Variants in RABGAP1L observed in about 807,000 individuals in gnomAD.
RABGAP1L encodes the protein rab GTPase-activating protein 1-like.
A neutral mutation model predicts 137.7 loss-of-function variants in RABGAP1L; 63 were observed. The observed-to-expected ratio is 0.46, with a 90% CI of 0.37 to 0.56. The LOEUF is 0.56. RABGAP1L is among the 20% of genes least tolerant of loss of function. The pLI is 0.00. For missense variants in RABGAP1L, 1,095 were observed against 1,244.0 expected (o/e 0.88, Z 1.80); for synonymous variants, 431 against 433.7 (o/e 0.99, Z 0.08).
rs1292322486 is a variant in RABGAP1L, at chr1:174,434,575, T to A, written c.1710+40430T>A. Among the ~76,000 whole-genome samples, 3 of 152,244 alleles carry A rather than the reference T, an allele frequency of 2.0e-5. No individual in the cohort carries two copies. In the East Asian group the frequency reaches 5.8e-4, roughly 29 times the overall value. On this transcript the variant is annotated intron_variant, in intron 13 of 25. Transcript: ENST00000681986. ...TCAAAGTTTTCAAAGTTGAGCCATT[T>A]TACACTACTACCAGCAGTGTATGGT...
At chr1:174,775,213 C>G (rs930670107) in intron 18 of RABGAP1L, among the ~76,000 whole-genome samples, 1 of 152,144 alleles carries the variant, frequency 6.6e-6, no homozygotes, top group Non-Finnish European at 1.5e-5. Context: ...AAATTTTGTC[C>G]ATGGCCACAC....
At chr1:174,981,550 C>CTTTT (rs10556099) in intron 23 of RABGAP1L, among the ~76,000 whole-genome samples, 682 of 66,500 alleles carry the variant, frequency 0.01, 20 homozygotes, top group African/African-American at 0.016. Context: ...GTTTTTCCAT[C>CTTTT]TTTTTTTTTT....
At chr1:174,240,370 C>CT in intron 4 of RABGAP1L, among the ~76,000 whole-genome samples, 1 of 152,344 alleles carries the variant, frequency 6.6e-6, no homozygotes, top group Admixed American at 6.5e-5. Flanking sequence ...CCTCGGCCTC[C>CT]TGAATAGCTG....
intron 19 of RABGAP1L, among the ~76,000 whole-genome samples, chr1:174,855,508 A>G (rs906801730): frequency 6.6e-6 from 1 of 152,222 alleles, no homozygotes; most frequent in African/African-American, 2.4e-5. Context: ...TTGCCACTGA[A>G]TAGCTATGTG....
intron 19 of RABGAP1L, among the ~76,000 whole-genome samples, chr1:174,931,638 G>GT (rs1338567489): frequency 6.6e-6 from 1 of 152,114 alleles, no homozygotes; most frequent in African/African-American, 2.4e-5. Context: ...TTTGTAAGCT[G>GT]TAGCCATCTC....
chr1:174,491,480 T>C (rs555497771), intron 13 of RABGAP1L, among the ~76,000 whole-genome samples: 25 of 151,856 alleles, frequency 1.6e-4, no homozygotes, highest in African/African-American at 5.6e-4. Context: ...TTCCCTTTCC[T>C]CTCCTCAAGC....
chr1:174,948,814 A>G (rs936763828), intron 19 of RABGAP1L: 7 of 152,192 alleles, frequency 4.6e-5, no homozygotes, highest in African/African-American at 1.7e-4. Flanking sequence ...TAGTAAAGGT[A>G]CTAGAAGAAG....
intron 13 of RABGAP1L, among the ~76,000 whole-genome samples, chr1:174,636,372 A>AC (rs1674033346): frequency 6.6e-6 from 1 of 151,656 alleles, no homozygotes; most frequent in South Asian, 2.1e-4. Flanking sequence ...ACACACACAC[A>AC]AAAAAAATAG....
intron 19 of RABGAP1L, among the ~76,000 whole-genome samples, chr1:174,861,364 A>G (rs1201911726): frequency 1.3e-5 from 2 of 152,138 alleles, no homozygotes; most frequent in Non-Finnish European, 1.5e-5. Context: ...CCATCAACAG[A>G]TGCTTAGGTT....
Position 174,336,899 on chromosome 1 carries a change from AAG to A in RABGAP1L, c.1465+31780_1465+31781del, listed in dbSNP as rs112382224. Reference sequence around the variant, plus strand: ...TGTGTGTGTGTGAGAGAGAGAGAGAAAGAGAGAGAAAGAATGGAGGAGGAAGG... The same window carrying A: ...TGTGTGTGTGTGAGAGAGAGAGAGAAAGAGAGAAAGAATGGAGGAGGAAGG... On this transcript the variant is annotated intron_variant, in intron 11 of 25. Coordinates refer to ENST00000681986, the MANE Select transcript of RABGAP1L (RefSeq NM_001366446.1). Among the ~76,000 whole-genome samples, 14 of 145,408 alleles carry A rather than the reference AAG, an allele frequency of 9.6e-5. 1 individual carries two copies. The highest frequency in any genetic ancestry group is 2.2e-4 in the South Asian group (1 of 4,484).
rs575501658 is a variant in RABGAP1L, at chr1:174,612,981, A to G, written c.1711-24394A>G. Among the ~76,000 whole-genome samples, 20 of 151,304 alleles carry G rather than the reference A, an allele frequency of 1.3e-4. No individual in the cohort carries two copies. In the East Asian group the frequency reaches 3.9e-3, roughly 29 times the overall value. ...TATTAGTCTTGCTAGTGGTCTATCAATTTTGTTGATCCTTTCAAAAAACCA... is the reference window on the plus strand; with the variant it reads ...TATTAGTCTTGCTAGTGGTCTATCAGTTTTGTTGATCCTTTCAAAAAACCA... On this transcript the variant is annotated intron_variant, in intron 13 of 25. Coordinates refer to ENST00000681986, the MANE Select transcript of RABGAP1L (RefSeq NM_001366446.1).
intron 11 of RABGAP1L, among the ~76,000 whole-genome samples, chr1:174,339,697 C>T (rs191656968): frequency 3.3e-4 from 50 of 152,112 alleles, no homozygotes; most frequent in African/African-American, 1.1e-3. Flanking sequence ...ACCTCTGCTT[C>T]CCAGGTTCAA....
At chr1:174,509,378 A>G (rs1662126894) in intron 13 of RABGAP1L, among the ~76,000 whole-genome samples, 1 of 152,088 alleles carries the variant, frequency 6.6e-6, no homozygotes, top group African/African-American at 2.4e-5. Context: ...GTATATTTAT[A>G]TACATAATCA....
chr1:174,444,618 T>A (rs1371290292), intron 13 of RABGAP1L, among the ~76,000 whole-genome samples: 5 of 152,122 alleles, frequency 3.3e-5, no homozygotes, highest in Non-Finnish European at 7.4e-5. Context: ...TCAATCTCTT[T>A]ACTCATTATT....
At chr1:174,447,976 T>C (rs1318990440) in intron 13 of RABGAP1L, 28 of 539,546 alleles carry the variant, frequency 5.2e-5, no homozygotes, top group Admixed American at 1.9e-4. Flanking sequence ...TCTCTGGGAC[T>C]CTCAGCTGTG....
intron 21 of RABGAP1L, among the ~76,000 whole-genome samples, chr1:174,975,331 G>A (rs895430593): frequency 2.6e-5 from 4 of 152,226 alleles, no homozygotes; most frequent in Admixed American, 2.0e-4. Flanking sequence ...GGCCAGGGCT[G>A]AGGGCATGCT....
At chr1:174,763,447 G>A (rs1337805524) in intron 18 of RABGAP1L, among the ~76,000 whole-genome samples, 3 of 149,928 alleles carry the variant, frequency 2.0e-5, no homozygotes, top group African/African-American at 7.3e-5. Context: ...TCAGGAGATC[G>A]AGACCATCCT....
At chr1:174,388,053 G>A (rs1686945548) in intron 12 of RABGAP1L, among the ~76,000 whole-genome samples, 1 of 152,040 alleles carries the variant, frequency 6.6e-6, no homozygotes, top group African/African-American at 2.4e-5. Context: ...AATTTCCTAA[G>A]TGTCGGGAAA....
chr1:174,964,828 T>C (rs985402077), intron 20 of RABGAP1L: 2 of 1,405,366 alleles, frequency 1.4e-6, no homozygotes, highest in South Asian at 1.5e-5. Context: ...TATATGACAC[T>C]CAAAGGAAAA....
Sources: allele counts gnomAD v4.1 joint callset (sites outside exome capture counted in the v4.1 genomes callset), GRCh38; gene constraint gnomAD v4.1.1; transcripts MANE v1.5; gene names NCBI Gene and HGNC (gene_info 2026-07-23, HGNC 2026-07-21).